ADAM23: variants seen among roughly 807,000 people sequenced by gnomAD.
The protein encoded by ADAM23 is disintegrin and metalloproteinase domain-containing protein 23.
In ADAM23, 33 loss-of-function variants were observed where a neutral mutation model predicts 120.1. That is an observed-to-expected ratio of 0.27 (90% CI 0.21 to 0.37). The LOEUF is 0.37. ADAM23 is among the 10% of genes least tolerant of loss of function. The pLI, the probability that ADAM23 is intolerant of heterozygous loss-of-function variation, is 1.00. For missense variants in ADAM23, 862 were observed against 1,058.2 expected (o/e 0.81, Z 2.57); for synonymous variants, 367 against 375.2 (o/e 0.98, Z 0.25).
At chr2:206,542,483 T>C (rs1488392780) in intron 5 of ADAM23, among the ~76,000 whole-genome samples, 1 of 152,162 alleles carries the variant, frequency 6.6e-6, no homozygotes, top group African/African-American at 2.4e-5. Context: ...TGAGAGTCAG[T>C]AGGCCTTAGA....
chr2:206,445,002 C>G (rs982809056), intron 1 of ADAM23, among the ~76,000 whole-genome samples: 2 of 149,784 alleles, frequency 1.3e-5, no homozygotes, highest in African/African-American at 4.9e-5. Flanking sequence ...CATTCTACCC[C>G]CCCCCCAACA....
rs1574526688 is a variant in ADAM23 at position 206,548,161 on chromosome 2, CT to C, written c.794-113del. On this transcript the variant is annotated intron_variant, in intron 7 of 25. Coordinates refer to ENST00000264377, the MANE Select transcript of ADAM23 (RefSeq NM_003812.4). Reference sequence around the variant, plus strand: ...TGTGAAATATATAATGATCAGTGTGCTTTTTTTCACCTTAGTTTGACATATA... The same window carrying C: ...TGTGAAATATATAATGATCAGTGTGCTTTTTTCACCTTAGTTTGACATATA... 1.5e-5 allele frequency: 13 copies of C among 849,624 alleles called. No individual in the cohort carries two copies. In the East Asian group the frequency reaches 1.5e-4, roughly 10 times the overall value. The allele number at this position is 849,624 out of a possible 1,614,324, so 52.6% of individuals were successfully genotyped here.
intron 3 of ADAM23, among the ~76,000 whole-genome samples, chr2:206,518,666 A>T (rs568581851): frequency 6.6e-6 from 1 of 152,192 alleles, no homozygotes; most frequent in African/African-American, 2.4e-5. Flanking sequence ...ATGAATTTCT[A>T]TGTAAAGGAA....
At chr2:206,502,358 T>C (rs971401302) in intron 3 of ADAM23, among the ~76,000 whole-genome samples, 5 of 152,158 alleles carry the variant, frequency 3.3e-5, no homozygotes, top group Admixed American at 2.6e-4. Context: ...CTTCTGTGTT[T>C]ATGGATTTAA....
intron 18 of ADAM23, among the ~76,000 whole-genome samples, chr2:206,585,855 C>G (rs1269937779): frequency 6.6e-6 from 1 of 152,074 alleles, no homozygotes; most frequent in Non-Finnish European, 1.5e-5. Flanking sequence ...TTGTAGACTT[C>G]TCTAAAAATA....
At chr2:206,590,351 G>C (rs997616450) in intron 21 of ADAM23, among the ~76,000 whole-genome samples, 13 of 152,158 alleles carry the variant, frequency 8.5e-5, no homozygotes, top group African/African-American at 3.1e-4. Flanking sequence ...GCCCTCCTCA[G>C]CCTCTCAAAG....
chr2:206,508,433 A>G (rs902797640), intron 3 of ADAM23, among the ~76,000 whole-genome samples: 3 of 152,030 alleles, frequency 2.0e-5, no homozygotes, highest in Admixed American at 6.6e-5. Context: ...AGGCGAGCGG[A>G]TCACCTGAGG....
chr2:206,480,429 A>G (rs533654902), intron 2 of ADAM23, among the ~76,000 whole-genome samples: 53 of 151,822 alleles, frequency 3.5e-4, no homozygotes, highest in African/African-American at 1.2e-3. Flanking sequence ...GAGTCAAGGA[A>G]GTACAGTGTA....
intron 4 of ADAM23, among the ~76,000 whole-genome samples, chr2:206,539,514 T>G (rs1697247945): frequency 6.6e-6 from 1 of 152,182 alleles, no homozygotes; most frequent in Admixed American, 6.5e-5. Flanking sequence ...CTTTTTGTTA[T>G]TTTTAGAAGA....
intron 2 of ADAM23, among the ~76,000 whole-genome samples, chr2:206,478,965 G>T (rs892004306): frequency 1.1e-4 from 17 of 152,158 alleles, no homozygotes; most frequent in Admixed American, 6.5e-4. Flanking sequence ...CATTAGACAA[G>T]CTGAGGCTGA....
chr2:206,544,706 G>A (rs1271159327), intron 6 of ADAM23, among the ~76,000 whole-genome samples: 1 of 151,682 alleles, frequency 6.6e-6, no homozygotes, highest in African/African-American at 2.4e-5. Context: ...TCCGCCTGCT[G>A]GGTTCACGCC....
intron 3 of ADAM23, among the ~76,000 whole-genome samples, chr2:206,489,983 G>T (rs1042788619): frequency 6.6e-6 from 1 of 152,168 alleles, no homozygotes; most frequent in Non-Finnish European, 1.5e-5. Context: ...CTCTGCATTC[G>T]TACGTTGAAG....
chr2:206,528,955 C>T (rs527301219), intron 3 of ADAM23, among the ~76,000 whole-genome samples: 8 of 152,226 alleles, frequency 5.3e-5, no homozygotes, highest in Non-Finnish European at 1.0e-4. Context: ...TCAGCAAATG[C>T]GAGTTATCAC....
In ADAM23 at chr2:206,620,482, T is replaced by C. The variant is rs1347470424; in HGVS notation, c.*2855T>C. On this transcript the variant is annotated 3_prime_UTR_variant, in exon 26 of 26. Coordinates refer to ENST00000264377, the MANE Select transcript of ADAM23 (RefSeq NM_003812.4). ...ATGTAGTTTCAAACTCTTTGCTGTA[T>C]TTTGTTTTGCACCTGCCATTCATTT... 6.6e-6 allele frequency: 1 copy of C among 152,200 alleles called. No individual in the cohort carries two copies. The highest frequency in any genetic ancestry group is 2.4e-5 in the African/African-American group (1 of 41,454). 9.4% of individuals were successfully genotyped at this position (152,200 alleles called of 1,614,324 possible). A position where few individuals can be genotyped will look rare whatever the true frequency, so the allele number is the denominator to read the frequency against.
At chr2:206,580,764 A>G (rs925081988) in intron 18 of ADAM23, among the ~76,000 whole-genome samples, 5 of 152,022 alleles carry the variant, frequency 3.3e-5, no homozygotes, top group East Asian at 3.9e-4. Flanking sequence ...TTCTTTCTCT[A>G]TCTTGTGGAA....
chr2:206,465,769 A>G (rs1198174104), intron 2 of ADAM23, among the ~76,000 whole-genome samples: 1 of 152,204 alleles, frequency 6.6e-6, no homozygotes, highest in Non-Finnish European at 1.5e-5. Flanking sequence ...TAAAAATTCA[A>G]GAAAAGTCTT....
rs537744909 is a variant in ADAM23, at chr2:206,457,751, A to G, written c.432+12227A>G. On this transcript the variant is annotated intron_variant, in intron 2 of 25. Coordinates refer to ENST00000264377, the MANE Select transcript of ADAM23 (RefSeq NM_003812.4). The stretch of plus-strand genomic sequence containing the variant: ...GTGGTTATGTTTGGTGTTTCCAAAT[A>G]ATATGTCAGACATTCGTACCATTCT... 7.2e-5 allele frequency among the ~76,000 whole-genome samples: 11 copies of G among 152,334 alleles called. No individual in the cohort carries two copies. The South Asian group carries it at 2.3e-3, about 32-fold the overall frequency.
intron 3 of ADAM23, among the ~76,000 whole-genome samples, chr2:206,484,001 G>A (rs1695951955): frequency 6.6e-6 from 1 of 152,188 alleles, no homozygotes; most frequent in Non-Finnish European, 1.5e-5. Context: ...AAGTTTGGTG[G>A]ACTGAGAGAC....
intron 2 of ADAM23, among the ~76,000 whole-genome samples, chr2:206,468,755 T>C (rs1358072824): frequency 6.6e-6 from 1 of 152,150 alleles, no homozygotes; most frequent in South Asian, 2.1e-4. Context: ...ATTAGTCCAT[T>C]CTCACATTGC....
Sources: allele counts gnomAD v4.1 joint callset (sites outside exome capture counted in the v4.1 genomes callset), GRCh38; gene constraint gnomAD v4.1.1; transcripts MANE v1.5; gene names NCBI Gene and HGNC (gene_info 2026-07-23, HGNC 2026-07-21).